GPC4: variants seen among roughly 807,000 people sequenced by gnomAD.
The protein encoded by GPC4 is glypican-4.
In GPC4, 10 loss-of-function variants were observed where a neutral mutation model predicts 35.0. That is an observed-to-expected ratio of 0.29 (90% confidence interval 0.18 to 0.48). GPC4 has a LOEUF of 0.48. GPC4 is among the 20% of genes least tolerant of loss of function. The pLI, the probability that GPC4 is intolerant of heterozygous loss-of-function variation, is 0.99. For synonymous variants in GPC4, 167 were observed against 170.2 expected (o/e 0.98, Z 0.15); for missense variants, 322 against 451.3 (o/e 0.71, Z 2.60).
At chrX:133,408,679 C>T (rs1472296505) in intron 1 of GPC4, among the ~76,000 whole-genome samples, 1 of 110,385 alleles carries the variant, frequency 9.1e-6, no homozygotes, top group African/African-American at 3.3e-5. Context: ...TTGCGGAGAG[C>T]TGAGATCGTG....
Position 133,414,918 on chromosome X carries a change from G to A in GPC4, c.48C>T (p.Leu16=), listed in dbSNP as rs1205135087. Residue 16 remains leucine, a synonymous_variant, in exon 1 of 9, where the codon CTC becomes CTT. Coordinates refer to ENST00000370828, the MANE Select transcript of GPC4 (RefSeq NM_001448.3). ...LPALLCTLAV[L]SAALLAAELK... ...GCTCGGCAGCCAGCAGCGCGGCGCT[G>A]AGCACTGCCAGGGTGCAGAGAAGCG... 3 of 1,210,602 alleles carry A rather than the reference G, an allele frequency of 2.5e-6. No homozygotes were observed. The highest frequency in any genetic ancestry group is 3.4e-6 in the Non-Finnish European group (3 of 895,271).
At chrX:133,377,938 T>C (rs1490439514) in intron 1 of GPC4, among the ~76,000 whole-genome samples, 2 of 99,051 alleles carry the variant, frequency 2.0e-5, no homozygotes, top group Non-Finnish European at 4.1e-5. Context: ...TCTGTCACCC[T>C]GGCTGGAGTG....
chrX:133,384,827 G>C (rs2068680968), intron 1 of GPC4, among the ~76,000 whole-genome samples: 1 of 111,492 alleles, frequency 9.0e-6, no homozygotes, highest in Non-Finnish European at 1.9e-5. Flanking sequence ...CAACACAACA[G>C]AAAGAGTATC....
chrX:133,364,403 A>G (rs1181449817), intron 1 of GPC4, among the ~76,000 whole-genome samples: 1 of 111,907 alleles, frequency 8.9e-6, no homozygotes, highest in East Asian at 2.8e-4. Flanking sequence ...ACTGGCCTCA[A>G]ATTTAAGCTT....
In GPC4 at chrX:133,324,179, G is replaced by A. The variant is rs778160762; in HGVS notation, c.677C>T (p.Ala226Val). Residue 226 changes from alanine to valine, a missense_variant, in exon 3 of 9, where the codon GCG becomes GTG. Coordinates refer to ENST00000370828, the MANE Select transcript of GPC4 (RefSeq NM_001448.3). ...CTTGCTCACGACATCTCCCGCAACC[G>A]CTAAGCCTTGAGCGAAAGTACGGGC... The part of the protein sequence containing the change: ...VAARTFAQGL[A>V]VAGDVVSKVS... The A allele has an allele frequency of 9.1e-6, 11 of 1,207,824 alleles. No individual in the cohort carries two copies. Among genetic ancestry groups the A allele is most frequent in the Middle Eastern group, 2.3e-4 (1 of 4,363 alleles).
At chrX:133,366,591 C>T (rs777353658) in intron 1 of GPC4, among the ~76,000 whole-genome samples, 6 of 111,578 alleles carry the variant, frequency 5.4e-5, no homozygotes, top group African/African-American at 2.0e-4. Flanking sequence ...TGGGCCTGGC[C>T]TCTTACTGCA....
intron 1 of GPC4, among the ~76,000 whole-genome samples, chrX:133,401,480 G>C (rs906712187): frequency 8.9e-6 from 1 of 111,802 alleles, no homozygotes; most frequent in Non-Finnish European, 1.9e-5. Flanking sequence ...AGAGCCCAAA[G>C]GTAGAGATTA....
At chrX:133,412,103 G>A (rs893413454) in intron 1 of GPC4, among the ~76,000 whole-genome samples, 1 of 111,525 alleles carries the variant, frequency 9.0e-6, no homozygotes, top group African/African-American at 3.3e-5. Flanking sequence ...AATGATCCTG[G>A]GTGTTTTGCA....
chrX:133,380,398 T>G (rs1040589309), intron 1 of GPC4, among the ~76,000 whole-genome samples: 1 of 87,771 alleles, frequency 1.1e-5, no homozygotes, highest in Non-Finnish European at 2.1e-5. Context: ...GGCAAGAAGT[T>G]GTAAGGCTAA....
rs1205347292 is a variant in GPC4 at position 133,300,232 on chromosome X, T to C, written c.*2635A>G. On this transcript the variant is annotated 3_prime_UTR_variant, in exon 9 of 9. Transcript: ENST00000370828. ...AAATTTACGTCAATTCTTCGCAGTG[T>C]CTTTTAATCAAAATAACAGGTGCTA... 3.5e-5 allele frequency: 4 copies of C among 112,693 alleles called. No homozygotes were observed. The highest frequency in any genetic ancestry group is 7.5e-5 in the Non-Finnish European group (4 of 53,368). 9.3% of individuals were successfully genotyped at this position (112,693 alleles called of 1,213,427 possible). A position where few individuals can be genotyped will look rare whatever the true frequency, so the allele number is the denominator to read the frequency against.
chrX:133,377,877 C>CTTTTTTTTTTCTT (rs2068641616), intron 1 of GPC4, among the ~76,000 whole-genome samples: 7 of 86,189 alleles, frequency 8.1e-5, no homozygotes, highest in African/African-American at 1.3e-4. Context: ...TTTTCTTTTT[C>CTTTTTTTTTTCTT]TTTTTTTTTT....
At chrX:133,311,162 TAAAC>T (rs2068312529) in intron 4 of GPC4, 92 bp downstream of exon 4, 10 of 933,033 alleles carry the variant, frequency 1.1e-5, no homozygotes, top group East Asian at 3.1e-5. Context: ...AGCAAACACT[TAAAC>T]AAACAAATTT....
intron 1 of GPC4, among the ~76,000 whole-genome samples, chrX:133,397,659 T>C (rs763512036): frequency 4.5e-5 from 5 of 112,021 alleles, no homozygotes; most frequent in African/African-American, 1.6e-4. Context: ...CATAAGCTCA[T>C]GCAGCTCAGC....
chrX:133,355,617 T>C (rs890999151), intron 1 of GPC4, among the ~76,000 whole-genome samples: 1 of 111,940 alleles, frequency 8.9e-6, no homozygotes, highest in African/African-American at 3.2e-5. Context: ...TAAGTAGCAG[T>C]AAGCAGCAAC....
At chrX:133,369,619 C>A (rs1465821148) in intron 1 of GPC4, among the ~76,000 whole-genome samples, 1 of 112,204 alleles carries the variant, frequency 8.9e-6, no homozygotes, top group African/African-American at 3.2e-5. Flanking sequence ...ACAAAGCTTT[C>A]TTTGCAGGAT....
chrX:133,312,657 G>GAAGGAAAGGAAAGGA (rs368140128), intron 3 of GPC4, among the ~76,000 whole-genome samples: 6 of 101,805 alleles, frequency 5.9e-5, no homozygotes, highest in African/African-American at 1.9e-4. Flanking sequence ...AAGAAAGGAA[G>GAAGGAAAGGAAAGGA]AAGGAAAGGA....
intron 3 of GPC4, among the ~76,000 whole-genome samples, chrX:133,322,645 A>C (rs1028909558): frequency 1.8e-5 from 2 of 111,343 alleles, no homozygotes; most frequent in African/African-American, 6.5e-5. Context: ...TGTTTGGATA[A>C]AAAATTATAT....
chrX:133,327,636 A>AGTTTGTGTGTGTGTGT lies in GPC4; in HGVS notation c.320-3101_320-3100insACACACACACACAAAC, dbSNP rs1289042509. Among the ~76,000 whole-genome samples the AGTTTGTGTGTGTGTGT allele has an allele frequency of 3.3e-3, 276 of 83,279 alleles. 7 individuals are homozygous for AGTTTGTGTGTGTGTGT. Among genetic ancestry groups the AGTTTGTGTGTGTGTGT allele is most frequent in the African/African-American group, 0.012 (261 of 22,659 alleles). 72.3% of individuals were successfully genotyped at this position (83,279 alleles called of 115,157 possible). A position where few individuals can be genotyped will look rare whatever the true frequency, so the allele number is the denominator to read the frequency against. ...CCATGACTCACATTCTGTCCAGGAAAGTGTGTGTGTGTGTGTGTGTGTGTG... is the reference window on the plus strand; with the variant it reads ...CCATGACTCACATTCTGTCCAGGAAAGTTTGTGTGTGTGTGTGTGTGTGTGTGTGTGTGTGTGTGTG... On this transcript the variant is annotated intron_variant, in intron 2 of 8. Coordinates refer to ENST00000370828, the MANE Select transcript of GPC4 (RefSeq NM_001448.3).
At chrX:133,407,558 G>T (rs2068794644) in intron 1 of GPC4, among the ~76,000 whole-genome samples, 1 of 111,609 alleles carries the variant, frequency 9.0e-6, no homozygotes. Flanking sequence ...AGATCAATCA[G>T]GCATGGTTTA....
Sources: allele counts gnomAD v4.1 joint callset (sites outside exome capture counted in the v4.1 genomes callset), GRCh38; gene constraint gnomAD v4.1.1; transcripts MANE v1.5; gene names NCBI Gene and HGNC (gene_info 2026-07-23, HGNC 2026-07-21).